Variants in MBD2 observed in about 807,000 individuals in gnomAD.
The protein encoded by MBD2 is methyl-CpG binding domain protein 2.
Under a neutral mutation model 39.3 loss-of-function variants are expected in MBD2, and 9 were observed. That is an observed-to-expected ratio of 0.23 (90% CI 0.14 to 0.40). The LOEUF (loss-of-function observed/expected upper bound fraction) is 0.40. Ranked by LOEUF, MBD2 falls within the 10% of genes least tolerant of loss-of-function variation. MBD2 has a pLI of 1.00. For missense variants in MBD2, 458 were observed against 532.6 expected (o/e 0.86, Z 1.38); for synonymous variants, 233 against 211.1 (o/e 1.10, Z -0.90).
In MBD2 at chr18:54,154,101, C is replaced by A. The variant is rs780425117; in HGVS notation, c.*1223G>T. ...ACTCAAGAGTTAAGAAATAAACACA[C>A]CTTTTCTATAGAATGATTTTACTTT... On this transcript the variant is annotated 3_prime_UTR_variant, in exon 7 of 7. Transcript: ENST00000256429. 1 of 152,142 alleles carries A rather than the reference C, an allele frequency of 6.6e-6. No homozygotes were observed. The highest frequency in any genetic ancestry group is 1.5e-5 in the Non-Finnish European group (1 of 68,020). 9.4% of individuals were successfully genotyped at this position (152,142 alleles called of 1,614,324 possible). A position where few individuals can be genotyped will look rare whatever the true frequency, so the allele number is the denominator to read the frequency against.
At chr18:54,169,868 T>C (rs999182042) in intron 3 of MBD2, among the ~76,000 whole-genome samples, 2 of 152,232 alleles carry the variant, frequency 1.3e-5, no homozygotes, top group African/African-American at 4.8e-5. Flanking sequence ...CTCCCTCTAA[T>C]CCTCACTAAC....
intron 2 of MBD2, among the ~76,000 whole-genome samples, chr18:54,193,531 T>C (rs544585257): frequency 4.1e-4 from 62 of 152,208 alleles, no homozygotes; most frequent in Middle Eastern, 3.4e-3. Context: ...AACATAAAAA[T>C]AAATCTTTCT....
intron 3 of MBD2, among the ~76,000 whole-genome samples, chr18:54,186,397 T>C (rs1003609610): frequency 3.3e-5 from 5 of 152,134 alleles, no homozygotes; most frequent in African/African-American, 1.2e-4. Context: ...GAATCATTTC[T>C]GCCTATGTAT....
intron 3 of MBD2, among the ~76,000 whole-genome samples, chr18:54,177,572 C>T (rs952566617): frequency 2.0e-5 from 3 of 152,102 alleles, no homozygotes; most frequent in African/African-American, 7.2e-5. Flanking sequence ...GCTCCGCCTC[C>T]CGCGTTCACG....
rs897965865 is a variant in MBD2, at chr18:54,153,625, G to A, written c.*1699C>T. On this transcript the variant is annotated 3_prime_UTR_variant, in exon 7 of 7. Coordinates refer to ENST00000256429, the MANE Select transcript of MBD2 (RefSeq NM_003927.5). ...CACAAATGAAGAATCGTGGACTCGGGGGAGGAAGAGAAAAGCCCTTGGACA... is the reference window on the plus strand; with the variant it reads ...CACAAATGAAGAATCGTGGACTCGGAGGAGGAAGAGAAAAGCCCTTGGACA... The A allele has an allele frequency of 1.3e-5, 2 of 152,190 alleles. No homozygotes were observed. Among genetic ancestry groups the A allele is most frequent in the South Asian group, 2.1e-4 (1 of 4,832 alleles). The allele number at this position is 152,190 out of a possible 1,614,324, so 9.4% of individuals were successfully genotyped here.
At chr18:54,192,689 C>T (rs1438449009) in intron 2 of MBD2, among the ~76,000 whole-genome samples, 1 of 152,150 alleles carries the variant, frequency 6.6e-6, no homozygotes, top group African/African-American at 2.4e-5. Flanking sequence ...TGACTGGAGG[C>T]AACTACTCTA....
intron 1 of MBD2, among the ~76,000 whole-genome samples, chr18:54,218,665 A>C (rs2086582716): frequency 6.6e-6 from 1 of 152,214 alleles, no homozygotes; most frequent in Admixed American, 6.5e-5. Flanking sequence ...TAGGGTTATA[A>C]GAATCCAGTA....
chr18:54,198,622 G>A (rs1046316106), intron 2 of MBD2, among the ~76,000 whole-genome samples: 1 of 152,212 alleles, frequency 6.6e-6, no homozygotes, highest in African/African-American at 2.4e-5. Flanking sequence ...GGCTGAGATG[G>A]GAGGATCACC....
At chr18:54,210,301 CA>C (rs1007479226) in intron 1 of MBD2, among the ~76,000 whole-genome samples, 9 of 151,226 alleles carry the variant, frequency 6.0e-5, no homozygotes, top group Admixed American at 2.0e-4. Context: ...AATAAAATAA[CA>C]AAAAAAAAGT....
At chr18:54,204,890 G>T in intron 2 of MBD2, 108 bp downstream of exon 2, 1 of 1,025,018 alleles carries the variant, frequency 9.8e-7, no homozygotes, top group Non-Finnish European at 1.5e-6. Context: ...ATGGGGACAT[G>T]CACGGGACAT....
chr18:54,189,129 G>A lies in MBD2; in HGVS notation c.703-118C>T, dbSNP rs761498673. 2.2e-4 allele frequency: 142 copies of A among 637,084 alleles called. 1 individual carries two copies. The highest frequency in any genetic ancestry group is 1.5e-4 in the Non-Finnish European group (62 of 406,876). The allele number at this position is 637,084 out of a possible 1,614,324, so 39.5% of individuals were successfully genotyped here. ...ATTATTCCAAACTTCTCAGTCTATCGCAGCATTTTAAATACTCTAGGGTAC... is the reference window on the plus strand; with the variant it reads ...ATTATTCCAAACTTCTCAGTCTATCACAGCATTTTAAATACTCTAGGGTAC... On this transcript the variant is annotated intron_variant, in intron 2 of 6. Coordinates refer to ENST00000256429, the MANE Select transcript of MBD2 (RefSeq NM_003927.5).
intron 2 of MBD2, among the ~76,000 whole-genome samples, chr18:54,191,838 C>T (rs142189130): frequency 1.8e-4 from 28 of 152,294 alleles, no homozygotes; most frequent in African/African-American, 6.5e-4. Context: ...TCTCTGCTTA[C>T]CTTTAAAAGA....
chr18:54,167,319 T>C (rs1354420549), intron 3 of MBD2, among the ~76,000 whole-genome samples: 1 of 152,124 alleles, frequency 6.6e-6, no homozygotes, highest in Non-Finnish European at 1.5e-5. Flanking sequence ...TCTAAACCCA[T>C]GCTGAAATCT....
rs1317132710 is a variant in MBD2, at chr18:54,166,133, C to T, written c.874G>A (p.Ala292Thr). The change falls in exon 4 of 7, where the codon GCA (alanine) becomes ACA (threonine). Residue 292 changes from alanine to threonine, a missense_variant. Around this residue, in one of 2 missense-constraint regions of MBD2, gnomAD observed 189 missense variants for 296.6 expected, o/e 0.64. Coordinates refer to ENST00000256429, the MANE Select transcript of MBD2 (RefSeq NM_003927.5). ...ATAATTTGTTCTGTTACATCTGATG[C>T]ACTAAGTCCTTGTAGCCTCTTCTCC... ...FWEKRLQGLSASDVTEQIIKT... is the reference protein window; with the variant it reads ...FWEKRLQGLSTSDVTEQIIKT... The T allele has an allele frequency of 1.2e-6, 2 of 1,613,784 alleles. No individual in the cohort carries two copies. Among genetic ancestry groups the T allele is most frequent in the South Asian group, 1.1e-5 (1 of 91,056 alleles).
rs548998981 is a variant in MBD2 at position 54,211,805 on chromosome 18, A to C, written c.543-6648T>G. On this transcript the variant is annotated intron_variant, in intron 1 of 6. Coordinates refer to ENST00000256429, the MANE Select transcript of MBD2 (RefSeq NM_003927.5). The stretch of plus-strand genomic sequence containing the variant: ...GCTTTCAGTGGACTTTTACCCCATA[A>C]GCAAAAAAGCCAAACATCTTAGGCT... Among the ~76,000 whole-genome samples, 44 of 152,238 alleles carry C rather than the reference A, an allele frequency of 2.9e-4. 1 individual carries two copies. The Middle Eastern group carries it at 0.027, about 94-fold the overall frequency.
intron 1 of MBD2, among the ~76,000 whole-genome samples, chr18:54,217,357 C>A (rs1327793239): frequency 6.6e-6 from 1 of 152,106 alleles, no homozygotes; most frequent in African/African-American, 2.4e-5. Flanking sequence ...TTTTTATTCT[C>A]CTTCCTTGGG....
chr18:54,182,107 T>C (rs2086255439), intron 3 of MBD2, among the ~76,000 whole-genome samples: 1 of 152,208 alleles, frequency 6.6e-6, no homozygotes, highest in African/African-American at 2.4e-5. Context: ...TCTTGTTCAC[T>C]GCAGTATCCC....
chr18:54,220,214 GGAGTC>G (rs2086598380), intron 1 of MBD2, among the ~76,000 whole-genome samples: 1 of 152,120 alleles, frequency 6.6e-6, no homozygotes. Context: ...AGAAATGACA[GGAGTC>G]AAGTAGACAA....
At chr18:54,169,444 T>C (rs1047801325) in intron 3 of MBD2, among the ~76,000 whole-genome samples, 5 of 152,194 alleles carry the variant, frequency 3.3e-5, no homozygotes, top group African/African-American at 1.2e-4. Context: ...AGGTCTTCCT[T>C]TGCCTAAGTT....
Sources: gnomAD v4.1 joint callset for allele counts (sites outside exome capture counted in the v4.1 genomes callset) on GRCh38, gnomAD v4.1.1 for gene constraint, gnomAD v4.1.1 regional missense constraint, MANE v1.5 for transcripts, NCBI Gene and HGNC (gene_info 2026-07-23, HGNC 2026-07-21) for gene names.